The following MLLT1 variants were observed in gnomAD, a reference collection of about 807,000 sequenced individuals.
MLLT1 encodes the protein MLLT1 super elongation complex subunit.
In MLLT1, 11 loss-of-function variants were observed where a neutral mutation model predicts 55.1. That is an observed-to-expected ratio of 0.20 (90% CI 0.13 to 0.33). MLLT1 has a LOEUF of 0.33. MLLT1 is among the 10% of genes least tolerant of loss of function. The probability of loss-of-function intolerance (pLI) is 1.00; values close to 1 mark genes in which losing one functional copy is unlikely to be tolerated. For synonymous variants in MLLT1, 323 were observed against 320.1 expected (o/e 1.01, Z -0.10); for missense variants, 536 against 760.6 (o/e 0.70, Z 3.47).
At chr19:6,247,360 A>C (rs1222076838) in intron 3 of MLLT1, among the ~76,000 whole-genome samples, 1 of 152,198 alleles carries the variant, frequency 6.6e-6, no homozygotes, top group African/African-American at 2.4e-5. Flanking sequence ...GGGCAGGGAA[A>C]TACACGGTGA....
intron 7 of MLLT1, 131 bp from the exon 8 acceptor site, chr19:6,216,644 T>TG: frequency 1.6e-6 from 1 of 629,222 alleles, no homozygotes; most frequent in Non-Finnish European, 2.7e-6. Context: ...CCCGTCCACC[T>TG]GGGGGTCCCT....
chr19:6,246,742 T>C (rs1162274947), intron 3 of MLLT1, among the ~76,000 whole-genome samples: 3 of 152,058 alleles, frequency 2.0e-5, no homozygotes, highest in African/African-American at 7.2e-5. Context: ...CGTCACGGAA[T>C]ACAAATTAAG....
intron 1 of MLLT1, among the ~76,000 whole-genome samples, chr19:6,278,765 C>T (rs1021294222): frequency 2.6e-5 from 4 of 152,072 alleles, no homozygotes; most frequent in Non-Finnish European, 5.9e-5. Context: ...GAATCCAGGT[C>T]AGAGAAGAAA....
Position 6,212,235 on chromosome 19 carries a change from C to T in MLLT1, c.*807G>A. On this transcript the variant is annotated 3_prime_UTR_variant, in exon 12 of 12. Coordinates refer to ENST00000252674, the MANE Select transcript of MLLT1 (RefSeq NM_005934.4). ...CCGGGCGCCCTGAGGACTCGCTGCC[C>T]TTTGTAGTGTTGGCTGACCCCCCCG... 9.4e-7 allele frequency: 1 copy of T among 1,065,918 alleles called. No homozygotes were observed. The highest frequency in any genetic ancestry group is 1.1e-6 in the Non-Finnish European group (1 of 879,442). 66.0% of individuals were successfully genotyped at this position (1,065,918 alleles called of 1,614,324 possible).
At chr19:6,215,807 A>G (rs1299950305) in intron 8 of MLLT1, among the ~76,000 whole-genome samples, 1 of 152,188 alleles carries the variant, frequency 6.6e-6, no homozygotes, top group Non-Finnish European at 1.5e-5. Context: ...GGCCAAGGCC[A>G]GCACGTTCTC....
intron 3 of MLLT1, among the ~76,000 whole-genome samples, chr19:6,258,208 C>T (rs186872618): frequency 2.0e-5 from 3 of 152,254 alleles, no homozygotes; most frequent in Admixed American, 6.5e-5. Context: ...TTCACAGCAG[C>T]ACTATTCCCC....
chr19:6,229,511 G>A lies in MLLT1; in HGVS notation c.420+1059C>T, dbSNP rs541483188. 6.7e-5 allele frequency among the ~76,000 whole-genome samples: 10 copies of A among 149,000 alleles called. No individual in the cohort carries two copies. The South Asian group carries it at 1.3e-3, about 20-fold the overall frequency. On this transcript the variant is annotated intron_variant, in intron 4 of 11. Transcript: ENST00000252674. This position sits in a 1 kb window ranked among gnomAD's most constrained non-coding sequence, Gnocchi z 5.2. ...CCCACCCCACCCGCATACCCCACAC[G>A]TCATACATGCCACATACACACCTGA... is the stretch of plus-strand genomic sequence containing the variant.
At chr19:6,234,687 G>A (rs1420128910) in intron 3 of MLLT1, among the ~76,000 whole-genome samples, 1 of 152,092 alleles carries the variant, frequency 6.6e-6, no homozygotes, top group African/African-American at 2.4e-5. Context: ...GTCAGAGGGC[G>A]ATCCTGAGTG....
At position 6,218,036 on chromosome 19, in the gene MLLT1, G is replaced by A; in HGVS notation, c.1116C>T (p.Ala372=). Residue 372 remains alanine (A), a synonymous_variant, in exon 7 of 12, where the codon GCC becomes GCT. Coordinates refer to ENST00000252674, the MANE Select transcript of MLLT1 (RefSeq NM_005934.4). ...AGCTGGAGTTGGACGGGCTTGACTG[G>A]GCAGACTTCACCCAATGGTGGGATG... The part of the protein sequence containing the change: ...EDEASFKSES[A]QSSPSNSSSS... 6.2e-7 allele frequency: 1 copy of A among 1,609,586 alleles called. No homozygotes were observed. Among genetic ancestry groups the A allele is most frequent in the African/African-American group, 1.3e-5 (1 of 74,768 alleles).
chr19:6,239,586 C>T (rs2091096458), intron 3 of MLLT1, among the ~76,000 whole-genome samples: 1 of 152,240 alleles, frequency 6.6e-6, no homozygotes, highest in African/African-American at 2.4e-5. Context: ...CACATGCACA[C>T]CTGTGTACTC....
chr19:6,275,816 T>C (rs1360187195), intron 1 of MLLT1, among the ~76,000 whole-genome samples: 1 of 152,194 alleles, frequency 6.6e-6, no homozygotes, highest in Non-Finnish European at 1.5e-5. Context: ...TTCCCCTTTA[T>C]AGGGTCTGCA....
At chr19:6,237,744 C>CT (rs1197834877) in intron 3 of MLLT1, among the ~76,000 whole-genome samples, 1 of 140,066 alleles carries the variant, frequency 7.1e-6, no homozygotes, top group Non-Finnish European at 1.5e-5. Flanking sequence ...GCCTGGGCGA[C>CT]TAAGTGAGAC....
In MLLT1 at chr19:6,278,339, G is replaced by A. The variant is rs139144951; in HGVS notation, c.12+1434C>T. 1.1e-4 allele frequency among the ~76,000 whole-genome samples: 16 copies of A among 152,300 alleles called. No individual in the cohort carries two copies. The East Asian group carries it at 2.9e-3, about 28-fold the overall frequency. The stretch of plus-strand genomic sequence containing the variant: ...ATTGGAGAAGAGGCAGCGCAGAGTT[G>A]GGTAAAGGGGGTGCCAGGGTGCAGG... On this transcript the variant is annotated intron_variant, in intron 1 of 11. Coordinates refer to ENST00000252674, the MANE Select transcript of MLLT1 (RefSeq NM_005934.4).
In MLLT1 at chr19:6,229,082, G is replaced by A. The variant is rs763661710; in HGVS notation, c.420+1488C>T. Among the ~76,000 whole-genome samples the A allele has an allele frequency of 8.5e-5, 13 of 152,330 alleles. No individual in the cohort carries two copies. The highest frequency in any genetic ancestry group is 4.1e-4 in the South Asian group (2 of 4,826). On this transcript the variant is annotated intron_variant, in intron 4 of 11. Transcript: ENST00000252674. The surrounding 1 kb of genome is among the most constrained non-coding windows in gnomAD (Gnocchi z 5.2). ...CCAGGTCCTGGCTGCAGCCCAGAGC[G>A]GCCCAGGGAACGCCACTTCCCACAG...
rs1367761960 is a variant in MLLT1, at chr19:6,227,756, G to C, written c.421-654C>G. ...CTCCTGCGCTCCATCAGAGGCTACG[G>C]ATGACGAAAGTTCTGGGGTCCTTCC... On this transcript the variant is annotated intron_variant, in intron 4 of 11. Coordinates refer to ENST00000252674, the MANE Select transcript of MLLT1 (RefSeq NM_005934.4). The surrounding 1 kb of genome is among the most constrained non-coding windows in gnomAD (Gnocchi z 5.1). Among the ~76,000 whole-genome samples, 1 of 152,174 alleles carries C rather than the reference G, an allele frequency of 6.6e-6. No individual in the cohort carries two copies. The highest frequency in any genetic ancestry group is 1.5e-5 in the Non-Finnish European group (1 of 68,028).
Position 6,226,601 on chromosome 19 carries a change from G to A in MLLT1, c.546+376C>T, listed in dbSNP as rs969335276. Among the ~76,000 whole-genome samples the A allele has an allele frequency of 6.6e-6, 1 of 152,188 alleles. No homozygotes were observed. The highest frequency in any genetic ancestry group is 1.5e-5 in the Non-Finnish European group (1 of 68,044). ...AGCCCCAGCTGCCCTCAGGAGGGTT[G>A]AAGAGGTGGGTAGCTGCAGCCTAGA... On this transcript the variant is annotated intron_variant, in intron 5 of 11. Coordinates refer to ENST00000252674, the MANE Select transcript of MLLT1 (RefSeq NM_005934.4). This position sits in a 1 kb window ranked among gnomAD's most constrained non-coding sequence, Gnocchi z 6.3.
At chr19:6,242,244 T>C (rs746771390) in intron 3 of MLLT1, among the ~76,000 whole-genome samples, 3 of 152,172 alleles carry the variant, frequency 2.0e-5, no homozygotes, top group Non-Finnish European at 4.4e-5. Flanking sequence ...GTGGCGGCTA[T>C]GGAGGGCACC....
chr19:6,226,625 G>T lies in MLLT1; in HGVS notation c.546+352C>A, dbSNP rs2090959378. The stretch of plus-strand genomic sequence containing the variant: ...TGAAGAGGTGGGTAGCTGCAGCCTA[G>T]ACAGAGACACTCTACCCAGCGGCCG... On this transcript the variant is annotated intron_variant, in intron 5 of 11. Coordinates refer to ENST00000252674, the MANE Select transcript of MLLT1 (RefSeq NM_005934.4). This position sits in a 1 kb window ranked among gnomAD's most constrained non-coding sequence, Gnocchi z 6.3. Among the ~76,000 whole-genome samples the T allele has an allele frequency of 6.6e-6, 1 of 152,128 alleles. No homozygotes were observed. The highest frequency in any genetic ancestry group is 2.4e-5 in the African/African-American group (1 of 41,450).
intron 2 of MLLT1, chr19:6,263,542 C>T (rs1184278618): frequency 2.0e-5 from 3 of 152,494 alleles, no homozygotes; most frequent in South Asian, 2.1e-4. Context: ...TGTCCTGTGA[C>T]GGGTACTCCA....
Sources: allele counts gnomAD v4.1 joint callset (sites outside exome capture counted in the v4.1 genomes callset), GRCh38; gene constraint gnomAD v4.1.1; non-coding constraint Gnocchi (gnomAD v3.1); transcripts MANE v1.5; gene names NCBI Gene and HGNC (gene_info 2026-07-23, HGNC 2026-07-21).